The following PAPPA variants were observed in gnomAD, a reference collection of about 807,000 sequenced individuals.
The protein encoded by PAPPA is pappalysin 1, also known as pappalysin-1.
In PAPPA, 60 loss-of-function variants were observed where a neutral mutation model predicts 164.0. The ratio of observed to expected loss-of-function variants is 0.37; its 90% CI spans 0.30 to 0.45. PAPPA has a LOEUF of 0.45. Among genes scored for constraint, PAPPA ranks in the 20% least tolerant of loss-of-function variants. The probability of loss-of-function intolerance (pLI) is 1.00; values close to 1 mark genes in which losing one functional copy is unlikely to be tolerated. For missense variants in PAPPA, 1,782 were observed against 2,087.3 expected (o/e 0.85, Z 2.85); for synonymous variants, 875 against 814.1 (o/e 1.07, Z -1.27).
At chr9:116,184,863 C>CCCATG (rs1440235716) in intron 1 of PAPPA, among the ~76,000 whole-genome samples, 1 of 152,136 alleles carries the variant, frequency 6.6e-6, no homozygotes, top group Non-Finnish European at 1.5e-5. Context: ...TAGAATCATT[C>CCCATG]CCATGCCTGC....
chr9:116,208,775 C>T (rs1187327038), intron 3 of PAPPA, among the ~76,000 whole-genome samples: 1 of 152,120 alleles, frequency 6.6e-6, no homozygotes, highest in Non-Finnish European at 1.5e-5. Context: ...ACTTAGTTCC[C>T]TCCAGACGAC....
At position 116,154,274 on chromosome 9, in the gene PAPPA, C is replaced by A; in HGVS notation, c.102C>A (p.Ala34=). 9.5e-7 allele frequency: 1 copy of A among 1,054,844 alleles called. No homozygotes were observed. Among genetic ancestry groups the A allele is most frequent in the Non-Finnish European group, 1.1e-6 (1 of 875,024 alleles). The allele number at this position is 1,054,844 out of a possible 1,614,324, so 65.3% of individuals were successfully genotyped here. ...GCCGGGCCCGGAGAGACCCGCGGGC[C>A]GGCCGACCCCCGCGCCCCGCCGCCG... ...RPRRARRDPR[A]GRPPRPAAGP... is the part of the protein sequence containing the mutation. Residue 34 remains alanine (A), a synonymous_variant, in exon 1 of 22, where the codon GCC becomes GCA. Coordinates refer to ENST00000328252, the MANE Select transcript of PAPPA (RefSeq NM_002581.5). The surrounding 1 kb of genome is among the most constrained non-coding windows in gnomAD (Gnocchi z 5.2).
intron 1 of PAPPA, among the ~76,000 whole-genome samples, chr9:116,175,332 T>G (rs909196124): frequency 6.6e-6 from 1 of 152,212 alleles, no homozygotes; most frequent in Non-Finnish European, 1.5e-5. Context: ...ACATGATGAC[T>G]ATAGTTACTA....
intron 7 of PAPPA, among the ~76,000 whole-genome samples, chr9:116,264,755 A>C (rs1311183652): frequency 1.3e-5 from 2 of 152,216 alleles, no homozygotes; most frequent in African/African-American, 4.8e-5. Flanking sequence ...TGTTATTAAA[A>C]AATTATTACT....
intron 21 of PAPPA, among the ~76,000 whole-genome samples, chr9:116,391,872 G>A (rs1357416165): frequency 6.6e-6 from 1 of 152,174 alleles, no homozygotes; most frequent in Non-Finnish European, 1.5e-5. Flanking sequence ...GAGAAGGTGG[G>A]GAGCTGCTTG....
At chr9:116,376,317 C>T (rs1046723651) in intron 19 of PAPPA, among the ~76,000 whole-genome samples, 3 of 152,178 alleles carry the variant, frequency 2.0e-5, no homozygotes, top group Non-Finnish European at 4.4e-5. Context: ...CCACGCCTGG[C>T]CAAGCTTCTA....
chr9:116,347,648 C>T lies in PAPPA; in HGVS notation c.3964+439C>T, dbSNP rs1029312590. 6.6e-6 allele frequency among the ~76,000 whole-genome samples: 1 copy of T among 152,160 alleles called. No homozygotes were observed. Among genetic ancestry groups the T allele is most frequent in the Non-Finnish European group, 1.5e-5 (1 of 68,036 alleles). On this transcript the variant is annotated intron_variant, in intron 15 of 21. Transcript: ENST00000328252. The surrounding 1 kb of genome is among the most constrained non-coding windows in gnomAD (Gnocchi z 4.5). ...AGCCTCAGAGGGTTTAAAGAACTTG[C>T]CCAAGGCTGCACCATCAGTGGTGGG...
At chr9:116,276,523 C>T (rs572323093) in intron 9 of PAPPA, among the ~76,000 whole-genome samples, 5 of 74,478 alleles carry the variant, frequency 6.7e-5, no homozygotes, top group Admixed American at 5.1e-4. Flanking sequence ...GGAGACTGGA[C>T]TGAGACTCTA....
chr9:116,341,335 C>T lies in PAPPA; in HGVS notation c.3612-3208C>T, dbSNP rs1035102871. On this transcript the variant is annotated intron_variant, in intron 13 of 21. Coordinates refer to ENST00000328252, the MANE Select transcript of PAPPA (RefSeq NM_002581.5). ...GATTACAGGTGTGAGCCACCACACCCGACCTCAAAGCATTTCTCATATATT... is the reference window on the plus strand; with the variant it reads ...GATTACAGGTGTGAGCCACCACACCTGACCTCAAAGCATTTCTCATATATT... 4.6e-5 allele frequency among the ~76,000 whole-genome samples: 7 copies of T among 152,046 alleles called. No homozygotes were observed. The East Asian group carries it at 7.7e-4, about 17-fold the overall frequency.
chr9:116,307,374 C>T (rs1440308289), intron 10 of PAPPA, among the ~76,000 whole-genome samples: 3 of 151,906 alleles, frequency 2.0e-5, no homozygotes, highest in African/African-American at 4.8e-5. Context: ...CTGAGGCGGG[C>T]GGATCACCTG....
chr9:116,380,395 G>A (rs376050303), intron 20 of PAPPA, among the ~76,000 whole-genome samples: 1 of 152,116 alleles, frequency 6.6e-6, no homozygotes, highest in Non-Finnish European at 1.5e-5. Flanking sequence ...TGGGACTGGA[G>A]AATTTTTTCA....
chr9:116,386,876 C>T (rs1325618244), intron 21 of PAPPA, among the ~76,000 whole-genome samples: 1 of 152,130 alleles, frequency 6.6e-6, no homozygotes, highest in Non-Finnish European at 1.5e-5. Flanking sequence ...AGGAGTTTCC[C>T]GTGGGCATCC....
intron 7 of PAPPA, among the ~76,000 whole-genome samples, chr9:116,253,923 T>G (rs1175458923): frequency 1.3e-5 from 2 of 152,214 alleles, no homozygotes; most frequent in Non-Finnish European, 2.9e-5. Flanking sequence ...AGGTACTGCC[T>G]TTTCAACTTT....
chr9:116,378,900 T>A (rs1001827322), intron 20 of PAPPA, among the ~76,000 whole-genome samples: 1 of 152,198 alleles, frequency 6.6e-6, no homozygotes, highest in Non-Finnish European at 1.5e-5. Context: ...GTTGAGGGAT[T>A]TCCTGAGGGC....
At chr9:116,288,445 CCCTT>C (rs1301742206) in intron 9 of PAPPA, among the ~76,000 whole-genome samples, 46 of 104,882 alleles carry the variant, frequency 4.4e-4, no homozygotes, top group South Asian at 8.1e-4. Context: ...CTCCCTCCCT[CCCTT>C]CCTTCCTTCC....
At chr9:116,242,446 G>C (rs939785506) in intron 7 of PAPPA, among the ~76,000 whole-genome samples, 2 of 152,212 alleles carry the variant, frequency 1.3e-5, no homozygotes, top group African/African-American at 4.8e-5. Flanking sequence ...GTACAGCTTT[G>C]AGATGGAAAT....
intron 7 of PAPPA, among the ~76,000 whole-genome samples, chr9:116,265,631 C>G (rs1172775401): frequency 2.0e-5 from 3 of 152,188 alleles, no homozygotes; most frequent in Non-Finnish European, 4.4e-5. Flanking sequence ...ACATAGTTAT[C>G]AGTCAATTGA....
intron 1 of PAPPA, among the ~76,000 whole-genome samples, chr9:116,169,310 CTTTTTTTTTTTTTT>C (rs563871496): frequency 1.9e-5 from 1 of 52,154 alleles, no homozygotes; most frequent in African/African-American, 7.3e-5. Context: ...CAAACCCATT[CTTTTTTTTTTTTTT>C]TTTTTTTTTT....
chr9:116,169,606 C>T (rs1843754259), intron 1 of PAPPA, among the ~76,000 whole-genome samples: 1 of 151,848 alleles, frequency 6.6e-6, no homozygotes, highest in Admixed American at 6.6e-5. Context: ...AAGCATGAGC[C>T]ACCGCACCTA....
Sources: allele counts gnomAD v4.1 joint callset (sites outside exome capture counted in the v4.1 genomes callset), GRCh38; gene constraint gnomAD v4.1.1; non-coding constraint Gnocchi (gnomAD v3.1); transcripts MANE v1.5; gene names NCBI Gene and HGNC (gene_info 2026-07-23, HGNC 2026-07-21).